The following RPTOR variants were observed in gnomAD, a reference collection of about 807,000 sequenced individuals.
RPTOR encodes regulatory-associated protein of mTOR.
RPTOR carries 21 observed loss-of-function variants against 169.9 expected under a neutral mutation model. The observed-to-expected ratio is 0.12, with a 90% CI of 0.09 to 0.18. RPTOR has a LOEUF of 0.18. Ranked by LOEUF, RPTOR falls within the 10% of genes least tolerant of loss-of-function variation. RPTOR has a pLI of 1.00. For synonymous variants in RPTOR, 732 were observed against 753.2 expected, an observed-to-expected ratio of 0.97 and a Z score of 0.46; for missense variants, 1,133 against 1,855.9, an observed-to-expected ratio of 0.61 and a Z score of 7.16.
At chr17:80,662,930 G>A (rs116791392) in intron 3 of RPTOR, among the ~76,000 whole-genome samples, 64 of 152,326 alleles carry the variant, frequency 4.2e-4, no homozygotes, top group African/African-American at 1.5e-3. Context: ...AGCTGTGCCT[G>A]CATCCGGGAA....
At chr17:80,856,774 T>C (rs961599683) in intron 12 of RPTOR, among the ~76,000 whole-genome samples, 2 of 152,218 alleles carry the variant, frequency 1.3e-5, no homozygotes, top group African/African-American at 4.8e-5. Context: ...AAGAGTTTCA[T>C]TTTTAAGGTT....
chr17:80,696,390 T>A (rs2066036531), intron 3 of RPTOR, among the ~76,000 whole-genome samples: 1 of 152,206 alleles, frequency 6.6e-6, no homozygotes, highest in Admixed American at 6.5e-5. Flanking sequence ...AAAATTTAAC[T>A]CTGAGGTCCA....
intron 3 of RPTOR, among the ~76,000 whole-genome samples, chr17:80,654,069 A>G (rs1231138545): frequency 6.6e-6 from 1 of 152,194 alleles, no homozygotes; most frequent in Admixed American, 6.5e-5. Context: ...GTCCCTGAGA[A>G]CAGATGCCAG....
chr17:80,788,353 C>G (rs1236725622), intron 6 of RPTOR, among the ~76,000 whole-genome samples: 1 of 152,072 alleles, frequency 6.6e-6, no homozygotes, highest in East Asian at 1.9e-4. Context: ...GAGGCTGAGG[C>G]AGGAGAATCA....
At chr17:80,911,118 A>T (rs2068608081) in intron 21 of RPTOR, among the ~76,000 whole-genome samples, 1 of 152,192 alleles carries the variant, frequency 6.6e-6, no homozygotes. Flanking sequence ...GGCGTGAGCC[A>T]CTGCGCCTGG....
chr17:80,770,800 A>T lies in RPTOR; in HGVS notation c.830+16615A>T, dbSNP rs547431591. The stretch of plus-strand genomic sequence containing the variant: ...TTCCAATCCACAAATGTTTGTACTC[A>T]AATTTCCCCAGCAGAACCAGCAATA... On this transcript the variant is annotated intron_variant, in intron 6 of 33. Transcript: ENST00000306801. 2.0e-5 allele frequency among the ~76,000 whole-genome samples: 3 copies of T among 152,330 alleles called. No individual in the cohort carries two copies. The South Asian group carries it at 6.2e-4, about 32-fold the overall frequency.
chr17:80,751,316 A>T (rs1157354820), intron 5 of RPTOR, among the ~76,000 whole-genome samples: 2 of 152,180 alleles, frequency 1.3e-5, no homozygotes, highest in African/African-American at 2.4e-5. Context: ...CCCTAAAATC[A>T]GGGGCAGTGC....
At chr17:80,577,698 T>C (rs1023113063) in intron 1 of RPTOR, among the ~76,000 whole-genome samples, 1 of 152,140 alleles carries the variant, frequency 6.6e-6, no homozygotes, top group Non-Finnish European at 1.5e-5. Flanking sequence ...GGCCAGGGTG[T>C]CAAACTGTGT....
At chr17:80,962,780 C>T in intron 32 of RPTOR, 148 bp from the exon 33 acceptor site, 2 of 1,407,122 alleles carry the variant, frequency 1.4e-6, no homozygotes, top group Non-Finnish European at 1.9e-6. Context: ...CCCGAGTCCT[C>T]AGTGAGAGTG....
intron 24 of RPTOR, among the ~76,000 whole-genome samples, chr17:80,937,319 G>A (rs1198723765): frequency 1.3e-5 from 2 of 152,170 alleles, no homozygotes; most frequent in African/African-American, 4.8e-5. Flanking sequence ...TCTAAATTCA[G>A]AGGGATTGAA....
intron 3 of RPTOR, among the ~76,000 whole-genome samples, chr17:80,685,199 G>GCACCTCCTTCGGAGTCGCCCCT: frequency 6.6e-6 from 1 of 151,258 alleles, no homozygotes; most frequent in African/African-American, 2.4e-5. Flanking sequence ...ATTCAGGGTC[G>GCACCTCCTTCGGAGTCGCCCCT]CTTGTTGCGT....
chr17:80,846,512 G>A lies in RPTOR; in HGVS notation c.1252G>A (p.Val418Met). 1 of 1,614,224 alleles carries A rather than the reference G, an allele frequency of 6.2e-7. No homozygotes were observed. Among genetic ancestry groups the A allele is most frequent in the Non-Finnish European group, 8.5e-7 (1 of 1,180,034 alleles). Residue 418 changes from valine to methionine, a missense_variant, in exon 11 of 34, where the codon GTG becomes ATG. This residue lies in a region of RPTOR where 289 missense variants were observed against 585.8 expected (regional missense o/e 0.49). Coordinates refer to ENST00000306801, the MANE Select transcript of RPTOR (RefSeq NM_020761.3). ...FFAEQLTAFQ[V>M]WLTMGVENRN... is the part of the protein sequence containing the mutation. The stretch of plus-strand genomic sequence containing the variant: ...CGCCGAGCAGCTGACCGCATTCCAG[G>A]TGTGGCTCACCATGGGCGTGGAGAA...
intron 24 of RPTOR, among the ~76,000 whole-genome samples, chr17:80,927,191 G>A (rs145013078): frequency 5.3e-5 from 8 of 152,350 alleles, no homozygotes; most frequent in East Asian, 1.9e-4. Context: ...GTGCCAGGCC[G>A]TCCTCTAGAA....
At chr17:80,772,819 T>C (rs1287086176) in intron 6 of RPTOR, among the ~76,000 whole-genome samples, 2 of 152,182 alleles carry the variant, frequency 1.3e-5, no homozygotes, top group African/African-American at 4.8e-5. Flanking sequence ...CAGTAATTCC[T>C]GTTTTATAGT....
chr17:80,833,719 A>G (rs902707171), intron 9 of RPTOR, among the ~76,000 whole-genome samples: 13 of 152,196 alleles, frequency 8.5e-5, no homozygotes, highest in African/African-American at 2.9e-4. Flanking sequence ...GCCGGGTGCA[A>G]TGGCTCACGC....
chr17:80,595,657 G>A (rs2065139399), intron 1 of RPTOR, among the ~76,000 whole-genome samples: 1 of 152,138 alleles, frequency 6.6e-6, no homozygotes. Flanking sequence ...AGGGCTCTCT[G>A]TGTTGCCCAG....
At chr17:80,706,594 C>T (rs1224024329) in intron 3 of RPTOR, among the ~76,000 whole-genome samples, 1 of 152,198 alleles carries the variant, frequency 6.6e-6, no homozygotes, top group Non-Finnish European at 1.5e-5. Context: ...TGTGAGTTCC[C>T]TGGGCTGCTG....
chr17:80,681,694 G>T (rs2065899764), intron 3 of RPTOR, among the ~76,000 whole-genome samples: 1 of 77,360 alleles, frequency 1.3e-5, no homozygotes, highest in East Asian at 3.2e-4. Flanking sequence ...TGAGGTGTAC[G>T]TCTCTTACAC....
intron 3 of RPTOR, among the ~76,000 whole-genome samples, chr17:80,683,936 T>C (rs1344643435): frequency 6.6e-6 from 1 of 152,218 alleles, no homozygotes; most frequent in Non-Finnish European, 1.5e-5. Context: ...AGATGTCGGC[T>C]CCTGGCATTG....
Sources: gnomAD v4.1 joint callset for allele counts (sites outside exome capture counted in the v4.1 genomes callset) on GRCh38, gnomAD v4.1.1 for gene constraint, gnomAD v4.1.1 regional missense constraint, MANE v1.5 for transcripts, NCBI Gene and HGNC (gene_info 2026-07-23, HGNC 2026-07-21) for gene names.